The following CPAMD8 variants were observed in gnomAD, a reference collection of about 807,000 sequenced individuals.
The protein encoded by CPAMD8 is C3 and PZP-like alpha-2-macroglobulin domain-containing protein 8.
Under a neutral mutation model 224.7 loss-of-function variants are expected in CPAMD8, and 146 were observed. That is an observed-to-expected ratio of 0.65 (90% CI 0.57 to 0.75). The LOEUF (loss-of-function observed/expected upper bound fraction) is 0.75. CPAMD8 is among the 30% of genes least tolerant of loss of function. The pLI is 0.00. For missense variants in CPAMD8, 2,301 were observed against 2,537.5 expected, an observed-to-expected ratio of 0.91 and a Z score of 2.00; for synonymous variants, 966 against 1,044.6, an observed-to-expected ratio of 0.92 and a Z score of 1.45.
At chr19:16,916,499 A>T (rs1302534955) in intron 27 of CPAMD8, among the ~76,000 whole-genome samples, 1 of 152,018 alleles carries the variant, frequency 6.6e-6, no homozygotes, top group Non-Finnish European at 1.5e-5. Flanking sequence ...TGATCCTCCC[A>T]CCTTGGCTTC....
At chr19:16,956,472 T>G (rs1347891418) in intron 19 of CPAMD8, among the ~76,000 whole-genome samples, 1 of 152,060 alleles carries the variant, frequency 6.6e-6, no homozygotes, top group Non-Finnish European at 1.5e-5. Flanking sequence ...CTACTCTAGC[T>G]ACAATGAAAA....
At chr19:16,963,554 A>G (rs917054000) in intron 18 of CPAMD8, among the ~76,000 whole-genome samples, 3 of 152,200 alleles carry the variant, frequency 2.0e-5, no homozygotes, top group Non-Finnish European at 4.4e-5. Context: ...AAGTCCTTAG[A>G]GACCTACAAA....
At chr19:16,973,102 G>T (rs991062301) in intron 17 of CPAMD8, among the ~76,000 whole-genome samples, 2 of 152,098 alleles carry the variant, frequency 1.3e-5, no homozygotes, top group African/African-American at 2.4e-5. Context: ...CCAGGAGGTC[G>T]AGACTGAAGT....
At chr19:16,946,429 G>A (rs893829972) in intron 21 of CPAMD8, among the ~76,000 whole-genome samples, 13 of 147,864 alleles carry the variant, frequency 8.8e-5, no homozygotes. Context: ...GTGGATTTGT[G>A]TGTGTGAATG....
intron 29 of CPAMD8, among the ~76,000 whole-genome samples, chr19:16,911,691 G>A (rs370285478): frequency 7.9e-5 from 12 of 152,054 alleles, no homozygotes; most frequent in African/African-American, 1.7e-4. Flanking sequence ...GACTACAGGC[G>A]CCTGCCACCA....
At chr19:16,914,396 AG>A in intron 29 of CPAMD8, 27 bp downstream of exon 29, 1 of 1,604,074 alleles carries the variant, frequency 6.2e-7, no homozygotes, top group Non-Finnish European at 8.5e-7. Flanking sequence ...CCCAGCCCCG[AG>A]TCTCCCCAAA....
rs1458181633 is a variant in CPAMD8, at chr19:16,957,846, A to G, written c.2276+7T>C. ...AAAGTCAGCGCAGAAAAGAAATCTTAATGTACCTGATGTTGAGACAATGCC... is the reference window on the plus strand; with the variant it reads ...AAAGTCAGCGCAGAAAAGAAATCTTGATGTACCTGATGTTGAGACAATGCC... On this transcript the variant is annotated splice_region_variant and intron_variant, in intron 19 of 41. Transcript: ENST00000443236. 1 of 1,613,966 alleles carries G rather than the reference A, an allele frequency of 6.2e-7. No individual in the cohort carries two copies. Among genetic ancestry groups the G allele is most frequent in the Admixed American group, 1.7e-5 (1 of 60,012 alleles).
intron 30 of CPAMD8, among the ~76,000 whole-genome samples, chr19:16,905,246 A>G (rs2052423796): frequency 6.6e-6 from 1 of 151,636 alleles, no homozygotes; most frequent in Non-Finnish European, 1.5e-5. Flanking sequence ...AGACTGTCTC[A>G]ATAAATAAAT....
chr19:17,008,470 T>A (rs778087551), intron 7 of CPAMD8, 35 bp downstream of exon 7: 3 of 1,611,348 alleles, frequency 1.9e-6, no homozygotes, highest in South Asian at 1.1e-5. Flanking sequence ...GTTTATCACA[T>A]CTGCAGCCCC....
chr19:16,986,312 G>A (rs780939126), intron 13 of CPAMD8, among the ~76,000 whole-genome samples: 13 of 152,114 alleles, frequency 8.5e-5, no homozygotes, highest in East Asian at 1.9e-4. Context: ...TGGGTAGGAC[G>A]CGCTGGGGTT....
intron 20 of CPAMD8, among the ~76,000 whole-genome samples, chr19:16,949,852 TC>T (rs755245764): frequency 3.7e-4 from 57 of 152,296 alleles, no homozygotes; most frequent in Non-Finnish European, 3.8e-4. Flanking sequence ...TTCTGGGCTG[TC>T]CCGGCACCCG....
Position 16,952,008 on chromosome 19 carries a change from G to T in CPAMD8, c.2469C>A (p.Ile823=). The T allele has an allele frequency of 6.3e-7, 1 of 1,583,362 alleles. No homozygotes were observed. The stretch of plus-strand genomic sequence containing the variant: ...CCATGTAGTTGTAGACACTGAGCGG[G>T]ATCTTGACCTGCTCCCCACGGATGA... ...ALIIRGEQVK[I]PLSVYNYMGT... The change falls in exon 20 of 42, where the codon ATC becomes ATA. Residue 823 remains isoleucine, a synonymous_variant. Coordinates refer to ENST00000443236, the MANE Select transcript of CPAMD8 (RefSeq NM_015692.5).
chr19:17,023,807 C>G (rs780556917), intron 1 of CPAMD8, among the ~76,000 whole-genome samples: 15 of 152,116 alleles, frequency 9.9e-5, no homozygotes, highest in Middle Eastern at 3.2e-3. Flanking sequence ...GTCTTGACCT[C>G]CTGACCTCAA....
chr19:16,903,584 C>T lies in CPAMD8; in HGVS notation c.4447G>A (p.Gly1483Arg). 1 of 1,614,134 alleles carries T rather than the reference C, an allele frequency of 6.2e-7. No individual in the cohort carries two copies. The highest frequency in any genetic ancestry group is 8.5e-7 in the Non-Finnish European group (1 of 1,180,024). The stretch of plus-strand genomic sequence containing the variant: ...ACCTGCATCAGGCAGCAGCCGTCCC[C>T]CTTGGCACTCACAAACAGCCCCGTG... The part of the protein sequence containing the change: ...LPTGLFVSAK[G>R]DGCCLMQIDV... Residue 1483 changes from glycine (G) to arginine (R), a missense_variant, in exon 34 of 42, where the codon GGG becomes AGG. Coordinates refer to ENST00000443236, the MANE Select transcript of CPAMD8 (RefSeq NM_015692.5).
At chr19:16,980,139 T>C (rs2055455696) in intron 14 of CPAMD8, among the ~76,000 whole-genome samples, 1 of 152,046 alleles carries the variant, frequency 6.6e-6, no homozygotes, top group Non-Finnish European at 1.5e-5. Context: ...AGGAGGGCCT[T>C]ATGAGGAGCA....
At chr19:16,999,897 C>T (rs541750445) in intron 10 of CPAMD8, among the ~76,000 whole-genome samples, 3 of 152,126 alleles carry the variant, frequency 2.0e-5, no homozygotes, top group South Asian at 2.1e-4. Flanking sequence ...AGGCTGGTCT[C>T]GAATTCATGG....
intron 10 of CPAMD8, among the ~76,000 whole-genome samples, chr19:16,998,597 C>T (rs1196571525): frequency 6.6e-6 from 1 of 152,094 alleles, no homozygotes; most frequent in Non-Finnish European, 1.5e-5. Context: ...GGAGCCGGTG[C>T]TGAAAGGCTT....
At chr19:16,980,743 A>T in intron 13 of CPAMD8, 57 bp from the exon 14 acceptor site, 1 of 1,390,342 alleles carries the variant, frequency 7.2e-7, no homozygotes, top group Non-Finnish European at 9.6e-7. Context: ...GCAACCCACC[A>T]CAGGAAGACG....
intron 41 of CPAMD8, chr19:16,895,868 G>T: frequency 1.9e-6 from 1 of 535,410 alleles, no homozygotes; most frequent in Non-Finnish European, 3.6e-6. Flanking sequence ...TTCGGATAAG[G>T]GATCCTTGAC....
Sources: allele counts gnomAD v4.1 joint callset (sites outside exome capture counted in the v4.1 genomes callset), GRCh38; gene constraint gnomAD v4.1.1; transcripts MANE v1.5; gene names NCBI Gene and HGNC (gene_info 2026-07-23, HGNC 2026-07-21).